Variants in RCAN2 observed in about 807,000 individuals in gnomAD.
The protein encoded by RCAN2 is regulator of calcineurin 2.
A neutral mutation model predicts 23.6 loss-of-function variants in RCAN2; 9 were observed. The observed-to-expected ratio is 0.38, with a 90% CI of 0.23 to 0.67. RCAN2 has a LOEUF of 0.67. RCAN2 is among the 30% of genes least tolerant of loss of function. RCAN2 has a pLI of 0.51. For missense variants in RCAN2, 273 were observed against 302.3 expected (o/e 0.90, Z 0.72); for synonymous variants, 109 against 115.7 (o/e 0.94, Z 0.37).
chr6:46,361,204 C>G (rs9395179), intron 2 of RCAN2, among the ~76,000 whole-genome samples: 67,658 of 151,984 alleles, frequency 0.45, 16,620 homozygotes, highest in East Asian at 0.6. Flanking sequence ...ATGGAGAACT[C>G]TATCCTGGGG....
chr6:46,358,045 T>C (rs1764895024), intron 2 of RCAN2, among the ~76,000 whole-genome samples: 1 of 152,214 alleles, frequency 6.6e-6, no homozygotes, highest in South Asian at 2.1e-4. Flanking sequence ...CTTTAGTTTA[T>C]TTTTGCAACA....
At chr6:46,246,688 C>A in intron 4 of RCAN2, 60 bp downstream of exon 4, 2 of 1,461,386 alleles carry the variant, frequency 1.4e-6, no homozygotes, top group South Asian at 1.2e-5. Context: ...TTGTTAATCT[C>A]ATTTGGCTTT....
At chr6:46,360,533 CAAAAAAAAA>C (rs765916099) in intron 2 of RCAN2, among the ~76,000 whole-genome samples, 3 of 33,492 alleles carry the variant, frequency 9.0e-5, no homozygotes, top group African/African-American at 1.2e-4. Flanking sequence ...GACTCCGTCT[CAAAAAAAAA>C]AAAAAAAAAA....
chr6:46,352,519 G>A (rs982513617), intron 2 of RCAN2, among the ~76,000 whole-genome samples: 1 of 152,134 alleles, frequency 6.6e-6, no homozygotes, highest in Non-Finnish European at 1.5e-5. Context: ...TGTACACGAG[G>A]TTCCATCACA....
chr6:46,317,750 G>C (rs868812064), intron 2 of RCAN2, among the ~76,000 whole-genome samples: 17 of 152,240 alleles, frequency 1.1e-4, no homozygotes, highest in South Asian at 4.1e-4. Flanking sequence ...CAGGCGTAAG[G>C]CACCGCGCCC....
intron 2 of RCAN2, among the ~76,000 whole-genome samples, chr6:46,400,832 C>CT (rs1490413258): frequency 6.6e-6 from 1 of 152,210 alleles, no homozygotes; most frequent in South Asian, 2.1e-4. Flanking sequence ...GGCTGGGTCT[C>CT]TATCTTGGTT....
chr6:46,400,650 C>T (rs754280918), intron 2 of RCAN2, among the ~76,000 whole-genome samples: 4 of 152,178 alleles, frequency 2.6e-5, no homozygotes, highest in African/African-American at 7.2e-5. Context: ...TCCAGATTTG[C>T]GTCTGGATGA....
intron 2 of RCAN2, among the ~76,000 whole-genome samples, chr6:46,328,392 A>G (rs1057446542): frequency 6.6e-6 from 1 of 152,192 alleles, no homozygotes; most frequent in Non-Finnish European, 1.5e-5. Context: ...AAGTTGGGCA[A>G]ATTGTGTTTT....
chr6:46,482,334 C>A (rs1161054201), intron 1 of RCAN2, among the ~76,000 whole-genome samples: 1 of 151,972 alleles, frequency 6.6e-6, no homozygotes, highest in African/African-American at 2.4e-5. Flanking sequence ...GGAATAATAT[C>A]TCTTTGTTTT....
chr6:46,425,468 G>A (rs377666140), intron 2 of RCAN2, among the ~76,000 whole-genome samples: 14 of 152,214 alleles, frequency 9.2e-5, no homozygotes, highest in Admixed American at 2.0e-4. Context: ...ATCCCTGAAA[G>A]GATCTTAGTA....
At chr6:46,242,345 T>C (rs1453988649) in intron 4 of RCAN2, among the ~76,000 whole-genome samples, 1 of 152,182 alleles carries the variant, frequency 6.6e-6, no homozygotes, top group East Asian at 1.9e-4. Context: ...ACTGTTTCAT[T>C]TGTTCTCCAT....
chr6:46,258,655 C>A (rs568138883), intron 2 of RCAN2, among the ~76,000 whole-genome samples: 1 of 152,336 alleles, frequency 6.6e-6, no homozygotes, highest in South Asian at 2.1e-4. Context: ...CTCAGTGGAG[C>A]AAGTTCCATG....
chr6:46,364,130 T>G (rs1174225484), intron 2 of RCAN2, among the ~76,000 whole-genome samples: 1 of 152,190 alleles, frequency 6.6e-6, no homozygotes, highest in Non-Finnish European at 1.5e-5. Flanking sequence ...ATCATCATTT[T>G]GGCTCATTTC....
chr6:46,405,059 G>C (rs1582175070), intron 2 of RCAN2, among the ~76,000 whole-genome samples: 1 of 152,192 alleles, frequency 6.6e-6, no homozygotes, highest in African/African-American at 2.4e-5. Flanking sequence ...TCCAGAATTG[G>C]CGGGTTCTTG....
At chr6:46,321,691 ACT>A (rs1265624296) in intron 2 of RCAN2, among the ~76,000 whole-genome samples, 1 of 152,208 alleles carries the variant, frequency 6.6e-6, no homozygotes, top group East Asian at 1.9e-4. Context: ...GAGTGGTGGC[ACT>A]CTGCAGCTCT....
intron 1 of RCAN2, among the ~76,000 whole-genome samples, chr6:46,484,504 T>C (rs1396977540): frequency 6.6e-6 from 1 of 152,218 alleles, no homozygotes; most frequent in African/African-American, 2.4e-5. Context: ...TTGCTGTCAA[T>C]ATCTTCCAGG....
At chr6:46,297,210 A>G (rs1458988474) in intron 2 of RCAN2, among the ~76,000 whole-genome samples, 1 of 152,126 alleles carries the variant, frequency 6.6e-6, no homozygotes, top group African/African-American at 2.4e-5. Flanking sequence ...ATTTTGCAAG[A>G]AAGAATTTTA....
chr6:46,397,067 C>T (rs901631345), intron 2 of RCAN2, among the ~76,000 whole-genome samples: 1 of 152,090 alleles, frequency 6.6e-6, no homozygotes, highest in African/African-American at 2.4e-5. Context: ...GCCGAGATCA[C>T]ACCACTGCAC....
intron 4 of RCAN2, among the ~76,000 whole-genome samples, chr6:46,231,388 C>T (rs1309774598): frequency 6.6e-6 from 1 of 151,408 alleles, no homozygotes; most frequent in Non-Finnish European, 1.5e-5. Context: ...AAATTTTTGT[C>T]ATAAATGCCA....
Sources: gnomAD v4.1 joint callset for allele counts (sites outside exome capture counted in the v4.1 genomes callset) on GRCh38, gnomAD v4.1.1 for gene constraint, MANE v1.5 for transcripts, NCBI Gene and HGNC (gene_info 2026-07-23, HGNC 2026-07-21) for gene names.